GPR89A: variants seen among roughly 807,000 people sequenced by gnomAD.
GPR89A encodes G protein-coupled receptor 89A.
Under a neutral mutation model 52.0 loss-of-function variants are expected in GPR89A, and 16 were observed. That is an observed-to-expected ratio of 0.31 (90% CI 0.21 to 0.47). The LOEUF is 0.47. Ranked by LOEUF, GPR89A falls within the 20% of genes least tolerant of loss-of-function variation. GPR89A has a pLI of 1.00. For synonymous variants in GPR89A, 55 were observed against 150.9 expected (o/e 0.36, Z 4.66); for missense variants, 135 against 449.4 (o/e 0.30, Z 6.33).
rs375024518 is a variant in GPR89A, at chr1:145,660,660, C to G, written c.910-2669C>G. 7.9e-5 allele frequency among the ~76,000 whole-genome samples: 12 copies of G among 152,100 alleles called. No homozygotes were observed. The East Asian group carries it at 2.3e-3, about 29-fold the overall frequency. On this transcript the variant is annotated intron_variant, in intron 10 of 13. Transcript: ENST00000313835. Reference sequence around the variant, plus strand: ...AGTTGGCGAAGGACATGAACAGACACTTCTCAAAAGAAGACTTTTATGCCG... The same window carrying G: ...AGTTGGCGAAGGACATGAACAGACAGTTCTCAAAAGAAGACTTTTATGCCG...
intron 5 of GPR89A, among the ~76,000 whole-genome samples, chr1:145,628,332 C>T (rs11588462): frequency 2.0e-5 from 3 of 152,076 alleles, no homozygotes; most frequent in Non-Finnish European, 4.4e-5. Flanking sequence ...AAGGGAAAAC[C>T]TAGGGAAATG....
At chr1:145,641,641 A>G (rs1650661968) in intron 7 of GPR89A, among the ~76,000 whole-genome samples, 1 of 152,174 alleles carries the variant, frequency 6.6e-6, no homozygotes, top group Non-Finnish European at 1.5e-5. Flanking sequence ...TTTAAACCTC[A>G]GTAGACATTT....
At chr1:145,634,106 G>T (rs1650060898) in intron 7 of GPR89A, among the ~76,000 whole-genome samples, 3 of 149,930 alleles carry the variant, frequency 2.0e-5, no homozygotes, top group Non-Finnish European at 3.0e-5. Context: ...TTAAGACGGA[G>T]TCTCACTCTG....
chr1:145,609,117 C>T (rs1477380296), intron 1 of GPR89A, among the ~76,000 whole-genome samples: 1 of 152,152 alleles, frequency 6.6e-6, no homozygotes, highest in African/African-American at 2.4e-5. Flanking sequence ...TGACCTTCTT[C>T]CCCCCATCTT....
At chr1:145,660,794 A>T (rs1379336031) in intron 10 of GPR89A, among the ~76,000 whole-genome samples, 2 of 151,618 alleles carry the variant, frequency 1.3e-5, no homozygotes, top group African/African-American at 4.9e-5. Context: ...ATCATTAAAA[A>T]GTCAGGAAAC....
chr1:145,639,946 G>A (rs1173363481), intron 7 of GPR89A, among the ~76,000 whole-genome samples: 4 of 151,872 alleles, frequency 2.6e-5, no homozygotes, highest in East Asian at 2.0e-4. Context: ...CGCCGGGCGT[G>A]GTGGCTCATG....
rs1311336367 is a variant in GPR89A, at chr1:145,646,004, A to G, written c.728-180A>G. ...ATGCTCTTGATGGAGAAGCTTTTAC[A>G]CACCTGCGTCAGAGGTTGGGAAAGC... On this transcript the variant is annotated intron_variant, in intron 8 of 13. Coordinates refer to ENST00000313835, the MANE Select transcript of GPR89A (RefSeq NM_001097612.2). 1.2e-5 allele frequency: 9 copies of G among 746,002 alleles called. No homozygotes were observed. The East Asian group carries it at 2.3e-4, about 19-fold the overall frequency. 46.2% of individuals were successfully genotyped at this position (746,002 alleles called of 1,614,324 possible).
intron 7 of GPR89A, among the ~76,000 whole-genome samples, chr1:145,637,782 A>G (rs1207194256): frequency 2.6e-5 from 4 of 152,242 alleles, no homozygotes; most frequent in East Asian, 1.9e-4. Flanking sequence ...AAAAACAACA[A>G]AATAGAAATC....
intron 10 of GPR89A, among the ~76,000 whole-genome samples, chr1:145,656,863 G>A (rs1458672342): frequency 6.6e-6 from 1 of 151,576 alleles, no homozygotes; most frequent in Non-Finnish European, 1.5e-5. Context: ...AAGTTCCATT[G>A]TAATCATAGT....
At chr1:145,621,899 G>A (rs1553688186) in intron 3 of GPR89A, among the ~76,000 whole-genome samples, 3 of 39,320 alleles carry the variant, frequency 7.6e-5, no homozygotes. Context: ...CAACTAAAAT[G>A]GCTATAACCA....
chr1:145,619,548 G>A (rs1254312551), intron 3 of GPR89A, among the ~76,000 whole-genome samples: 3 of 152,038 alleles, frequency 2.0e-5, no homozygotes, highest in Non-Finnish European at 4.4e-5. Context: ...GGAGTTTGAG[G>A]ATATGCAGTG....
chr1:145,667,056 G>A (rs1301462140), intron 12 of GPR89A, among the ~76,000 whole-genome samples: 2 of 152,150 alleles, frequency 1.3e-5, no homozygotes, highest in African/African-American at 4.8e-5. Context: ...ACGTGTGCAT[G>A]TGTCTTTATA....
rs782076528 is a variant in GPR89A at position 145,665,670 on chromosome 1, T to A, written c.1095+19T>A. 1.1e-5 allele frequency: 13 copies of A among 1,174,062 alleles called. No individual in the cohort carries two copies. Among genetic ancestry groups the A allele is most frequent in the Non-Finnish European group, 1.6e-5 (13 of 789,342 alleles). The allele number at this position is 1,174,062 out of a possible 1,614,324, so 72.7% of individuals were successfully genotyped here. A position where few individuals can be genotyped will look rare whatever the true frequency, so the allele number is the denominator to read the frequency against. On this transcript the variant is annotated intron_variant, in intron 12 of 13. Transcript: ENST00000313835. ...TACCAAGGTATGTTTTATCACAGTGTTAAAAAGTACTGCTTATCATTTGTT... is the reference window on the plus strand; with the variant it reads ...TACCAAGGTATGTTTTATCACAGTGATAAAAAGTACTGCTTATCATTTGTT...
intron 1 of GPR89A, among the ~76,000 whole-genome samples, chr1:145,613,352 A>G (rs1648432703): frequency 6.6e-6 from 1 of 151,736 alleles, no homozygotes; most frequent in South Asian, 2.1e-4. Context: ...TTCTGTCACC[A>G]AATGTCTTAA....
Position 145,632,448 on chromosome 1 carries a change from T to C in GPR89A, c.617+704T>C. ...TGGTAACCATCATTCTACCCTCTGC[T>C]TCTGTTGAGTTCACTGTTTTAGATT... On this transcript the variant is annotated intron_variant, in intron 7 of 13. Coordinates refer to ENST00000313835, the MANE Select transcript of GPR89A (RefSeq NM_001097612.2). Among the ~76,000 whole-genome samples, 2 of 152,216 alleles carry C rather than the reference T, an allele frequency of 1.3e-5. 1 individual carries two copies. The highest frequency in any genetic ancestry group is 4.2e-4 in the South Asian group (2 of 4,806).
chr1:145,615,484 C>T (rs1332413754), intron 1 of GPR89A, among the ~76,000 whole-genome samples: 1 of 151,578 alleles, frequency 6.6e-6, no homozygotes, highest in Non-Finnish European at 1.5e-5. Context: ...GCTGGGACTA[C>T]AGGCACACCC....
intron 5 of GPR89A, among the ~76,000 whole-genome samples, chr1:145,629,267 G>A (rs1242737789): frequency 1.3e-5 from 2 of 152,160 alleles, no homozygotes; most frequent in Non-Finnish European, 2.9e-5. Context: ...GACAAGTTGG[G>A]AGGATGATTG....
At chr1:145,639,856 G>A (rs1650514822) in intron 7 of GPR89A, among the ~76,000 whole-genome samples, 1 of 151,752 alleles carries the variant, frequency 6.6e-6, no homozygotes, top group South Asian at 2.1e-4. Context: ...TTCACCAAAT[G>A]GTGCTAGAGC....
rs1176702332 is a variant in GPR89A, at chr1:145,658,167, G to T, written c.910-5162G>T. 2.7e-5 allele frequency among the ~76,000 whole-genome samples: 4 copies of T among 146,056 alleles called. 1 individual carries two copies. The highest frequency in any genetic ancestry group is 5.9e-5 in the Non-Finnish European group (4 of 67,996). ...TTCTCTCATTTAGCATAATGGGGTTGGGGGGGAGCTTTTTAAATGTAATTT... is the reference window on the plus strand; with the variant it reads ...TTCTCTCATTTAGCATAATGGGGTTTGGGGGGAGCTTTTTAAATGTAATTT... On this transcript the variant is annotated intron_variant, in intron 10 of 13. Coordinates refer to ENST00000313835, the MANE Select transcript of GPR89A (RefSeq NM_001097612.2).
Sources: gnomAD v4.1 joint callset for allele counts (sites outside exome capture counted in the v4.1 genomes callset) on GRCh38, gnomAD v4.1.1 for gene constraint, MANE v1.5 for transcripts, NCBI Gene and HGNC (gene_info 2026-07-23, HGNC 2026-07-21) for gene names.